Variants in CEP128 observed in about 807,000 individuals in gnomAD.
CEP128 encodes centrosomal protein 128kDa.
CEP128 carries 132 observed loss-of-function variants against 156.7 expected under a neutral mutation model. That is an observed-to-expected ratio of 0.84 (90% CI 0.73 to 0.97). The LOEUF (loss-of-function observed/expected upper bound fraction) is 0.97. Among genes scored for constraint, CEP128 ranks in the 50% least tolerant of loss-of-function variants. The probability of loss-of-function intolerance (pLI) is 0.00; values close to 1 mark genes in which losing one functional copy is unlikely to be tolerated. For synonymous variants in CEP128, 469 were observed against 448.9 expected, an observed-to-expected ratio of 1.04 and a Z score of -0.57; for missense variants, 1,252 against 1,281.9, an observed-to-expected ratio of 0.98 and a Z score of 0.36.
chr14:80,789,220 C>A (rs1411456535), intron 14 of CEP128, among the ~76,000 whole-genome samples: 1 of 152,060 alleles, frequency 6.6e-6, no homozygotes, highest in African/African-American at 2.4e-5. Flanking sequence ...AGGAAAAAAA[C>A]TGAATCCAGA....
At chr14:80,845,895 A>T (rs1886576354) in intron 9 of CEP128, among the ~76,000 whole-genome samples, 1 of 152,208 alleles carries the variant, frequency 6.6e-6, no homozygotes, top group South Asian at 2.1e-4. Flanking sequence ...CTGAAAACAT[A>T]GATAGAAACA....
At chr14:80,769,220 C>T (rs1900390404) in intron 16 of CEP128, among the ~76,000 whole-genome samples, 1 of 149,496 alleles carries the variant, frequency 6.7e-6, no homozygotes, top group African/African-American at 2.5e-5. Context: ...CTTTAATAAC[C>T]ATCAAGATTT....
intron 2 of CEP128, among the ~76,000 whole-genome samples, chr14:80,921,050 T>C (rs925107384): frequency 3.0e-4 from 45 of 152,352 alleles, no homozygotes; most frequent in African/African-American, 8.2e-4. Context: ...ATGGTACATC[T>C]ATACAATGAA....
At chr14:80,673,673 G>GAAAAAAAAAAAAA (rs1895946020) in intron 19 of CEP128, among the ~76,000 whole-genome samples, 1 of 65,134 alleles carries the variant, frequency 1.5e-5, no homozygotes, top group African/African-American at 5.2e-5. Flanking sequence ...AAAAAAAAAT[G>GAAAAAAAAAAAAA]TACTAAAGCA....
At chr14:80,733,775 C>T (rs1898395158) in intron 19 of CEP128, among the ~76,000 whole-genome samples, 1 of 152,018 alleles carries the variant, frequency 6.6e-6, no homozygotes, top group Non-Finnish European at 1.5e-5. Flanking sequence ...GCAACTACAT[C>T]TATTATGTAA....
chr14:80,905,944 G>A lies in CEP128; in HGVS notation c.361+11C>T, dbSNP rs200123513. ...ATTTTTAATGTTTTTCAGAACATTTGAAGTGTTTACCTGACCCAGTGCCAC... is the reference window on the plus strand; with the variant it reads ...ATTTTTAATGTTTTTCAGAACATTTAAAGTGTTTACCTGACCCAGTGCCAC... On this transcript the variant is annotated intron_variant, in intron 5 of 24. Transcript: ENST00000555265. 516 of 1,606,122 alleles carry A rather than the reference G, an allele frequency of 3.2e-4. 2 individuals carry two copies. The Middle Eastern group carries it at 3.6e-3, about 11-fold the overall frequency.
chr14:80,611,806 TC>T (rs1893005325), intron 19 of CEP128, among the ~76,000 whole-genome samples: 1 of 152,174 alleles, frequency 6.6e-6, no homozygotes, highest in Admixed American at 6.5e-5. Context: ...ACACCTGTAA[TC>T]CCAGCAGTTT....
At chr14:80,509,119 C>A (rs900623534) in intron 23 of CEP128, among the ~76,000 whole-genome samples, 1 of 152,106 alleles carries the variant, frequency 6.6e-6, no homozygotes, top group East Asian at 1.9e-4. Context: ...GAAAACAACC[C>A]CCATGATCCA....
chr14:80,557,885 TTTATG>T (rs1890502795), intron 21 of CEP128, among the ~76,000 whole-genome samples: 1 of 152,208 alleles, frequency 6.6e-6, no homozygotes, highest in Admixed American at 6.5e-5. Context: ...CTTCTAATAT[TTTATG>T]TATTTTCTTA....
chr14:80,800,399 C>G (rs746233212), intron 13 of CEP128, among the ~76,000 whole-genome samples: 1 of 152,140 alleles, frequency 6.6e-6, no homozygotes. Flanking sequence ...GAATTAGTGA[C>G]ATAATCCAAT....
rs76767059 is a variant in CEP128, at chr14:80,555,279, A to T, written c.2880+4000T>A. Among the ~76,000 whole-genome samples the T allele has an allele frequency of 6.0e-3, 915 of 152,200 alleles. 6 individuals carry two copies. Among genetic ancestry groups the T allele is most frequent in the Non-Finnish European group, 9.9e-3 (675 of 67,956 alleles). ...CTAGCACATCTGTCTGGGCTTCCTG[A>T]TTCTGTGGGATCTCTGTGCTCTTAT... is the stretch of plus-strand genomic sequence containing the variant. On this transcript the variant is annotated intron_variant, in intron 21 of 24. Transcript: ENST00000555265.
chr14:80,874,284 C>T (rs779442278), intron 8 of CEP128, among the ~76,000 whole-genome samples: 11 of 151,762 alleles, frequency 7.2e-5, no homozygotes, highest in Non-Finnish European at 1.0e-4. Context: ...GCCAACATCG[C>T]GAAACCCTGT....
intron 23 of CEP128, among the ~76,000 whole-genome samples, chr14:80,526,049 G>A (rs558575744): frequency 6.6e-6 from 1 of 151,666 alleles, no homozygotes; most frequent in African/African-American, 2.4e-5. Flanking sequence ...ACTCTCTCTG[G>A]GTCAGCATTC....
chr14:80,770,801 G>C (rs1256216741), intron 16 of CEP128, among the ~76,000 whole-genome samples: 1 of 152,018 alleles, frequency 6.6e-6, no homozygotes, highest in Non-Finnish European at 1.5e-5. Flanking sequence ...AAGACCACAA[G>C]CTGCCTAAAA....
At chr14:80,911,596 A>G (rs1884218600) in intron 4 of CEP128, among the ~76,000 whole-genome samples, 1 of 152,242 alleles carries the variant, frequency 6.6e-6, no homozygotes, top group Admixed American at 6.5e-5. Context: ...CAGCTGTACT[A>G]CTTTTACTTC....
chr14:80,520,814 G>A (rs1335971217), intron 23 of CEP128, among the ~76,000 whole-genome samples: 1 of 150,856 alleles, frequency 6.6e-6, no homozygotes, highest in African/African-American at 2.5e-5. Context: ...GTTTCTTAAA[G>A]TGACTTTATT....
intron 19 of CEP128, among the ~76,000 whole-genome samples, chr14:80,693,984 A>C (rs571356805): frequency 6.6e-6 from 1 of 152,342 alleles, no homozygotes; most frequent in South Asian, 2.1e-4. Flanking sequence ...ATAGAGAAGA[A>C]AGTTCCATGT....
At position 80,784,921 on chromosome 14, in the gene CEP128, C is replaced by T. The variant is rs1228304036; in HGVS notation, c.2185G>A (p.Ala729Thr). 3.7e-6 allele frequency: 6 copies of T among 1,612,636 alleles called. No homozygotes were observed. The highest frequency in any genetic ancestry group is 5.1e-6 in the Non-Finnish European group (6 of 1,179,338). Residue 729 changes from alanine (A) to threonine (T), a missense_variant, in exon 15 of 25, where the codon GCT becomes ACT. Ala to Thr is a moderately conservative substitution (Grantham distance 58). Transcript: ENST00000555265. Reference protein sequence around the residue: ...MKHFKKEKSEAENHIRTLKAE... With the variant: ...MKHFKKEKSETENHIRTLKAE... ...TTCAGAGTCCTGATATGATTCTCAGCCTCACTCTTTTCTTTCTTAAAGTGC... is the reference window on the plus strand; with the variant it reads ...TTCAGAGTCCTGATATGATTCTCAGTCTCACTCTTTTCTTTCTTAAAGTGC...
intron 8 of CEP128, among the ~76,000 whole-genome samples, chr14:80,887,697 C>A (rs944866638): frequency 2.0e-5 from 3 of 151,850 alleles, no homozygotes; most frequent in African/African-American, 7.3e-5. Flanking sequence ...AAATCGATAC[C>A]CTAACATCAT....
Sources: allele counts gnomAD v4.1 joint callset (sites outside exome capture counted in the v4.1 genomes callset), GRCh38; gene constraint gnomAD v4.1.1; transcripts MANE v1.5; gene names NCBI Gene and HGNC (gene_info 2026-07-23, HGNC 2026-07-21).